The following CLECL1 variants were observed in gnomAD, a reference collection of about 807,000 sequenced individuals.
CLECL1 encodes C-type lectin like 1.
At chr12:9,719,542 C>T (rs1308374911), downstream of CLECL1, among the ~76,000 whole-genome samples, 3 of 151,756 alleles carry the variant, frequency 2.0e-5, no homozygotes, top group Non-Finnish European at 4.4e-5. Flanking sequence ...AAAAACAAAA[C>T]AAAAAGAAAG....
At chr12:9,723,926 G>C (rs1265561039) in intron 3 of CLECL1, among the ~76,000 whole-genome samples, 1 of 152,040 alleles carries the variant, frequency 6.6e-6, no homozygotes, top group East Asian at 1.9e-4. Flanking sequence ...AATGGCTCAC[G>C]TCTGTGATCC....
chr12:9,731,218 G>T (rs1427002786), intron 1 of CLECL1, among the ~76,000 whole-genome samples: 1 of 152,152 alleles, frequency 6.6e-6, no homozygotes, highest in Non-Finnish European at 1.5e-5. Context: ...TTACATCTTG[G>T]AGAACCAATG....
the CLECL1 span, among the ~76,000 whole-genome samples, chr12:9,710,014 G>A: frequency 6.6e-6 from 1 of 152,160 alleles, no homozygotes; most frequent in South Asian, 2.1e-4. Flanking sequence ...ACACCTGTTA[G>A]TTGCTAAAGA....
At chr12:9,715,195 C>A (rs764130647), downstream of CLECL1, among the ~76,000 whole-genome samples, 1 of 152,112 alleles carries the variant, frequency 6.6e-6, no homozygotes, top group Non-Finnish European at 1.5e-5. Flanking sequence ...AAATATGATT[C>A]TTGACAGATG....
rs200640673 is a variant in CLECL1, at chr12:9,732,980, C to T, written n.51G>A. 714 of 1,609,214 alleles carry T rather than the reference C, an allele frequency of 4.4e-4. 2 individuals carry two copies. The highest frequency in any genetic ancestry group is 2.1e-4 in the Non-Finnish European group (251 of 1,176,464). On this transcript the variant is annotated non_coding_transcript_exon_variant, in exon 1 of 4. Transcript: ENST00000621400. ...TCTGAAGTGGAAACGCGAGTTCTAA[C>T]GGGGAAGTCCGAACAGTTTTGATGT...
chr12:9,731,855 T>A (rs1333728552), intron 1 of CLECL1, among the ~76,000 whole-genome samples: 1 of 152,198 alleles, frequency 6.6e-6, no homozygotes. Flanking sequence ...ATCAAAAATA[T>A]TGGTTTTGTT....
chr12:9,712,862 A>T (rs1373386556), downstream of CLECL1, among the ~76,000 whole-genome samples: 6 of 152,226 alleles, frequency 3.9e-5, no homozygotes, highest in Non-Finnish European at 8.8e-5. Flanking sequence ...TCAGAAGACT[A>T]AAAAGGACCC....
At chr12:9,717,395 C>T (rs771804247) in intron 2 of CLECL1, among the ~76,000 whole-genome samples, 1 of 152,154 alleles carries the variant, frequency 6.6e-6, no homozygotes, top group Admixed American at 6.5e-5. Flanking sequence ...CCAGTGCTAA[C>T]GTTTTGGAAT....
the CLECL1 span, among the ~76,000 whole-genome samples, chr12:9,705,364 C>G: frequency 4.6e-5 from 7 of 151,904 alleles, no homozygotes; most frequent in South Asian, 2.1e-4. Flanking sequence ...GTTGTTTACT[C>G]TGTTGATAGT....
upstream of CLECL1, chr12:9,733,143 C>T (rs369340014): frequency 6.2e-6 from 10 of 1,613,936 alleles, no homozygotes; most frequent in Non-Finnish European, 8.5e-6. Context: ...TTTCCTTCTG[C>T]TCCCCAAGTG....
chr12:9,724,260 GT>G (rs1229808111), intron 3 of CLECL1, among the ~76,000 whole-genome samples: 1 of 151,438 alleles, frequency 6.6e-6, no homozygotes, highest in East Asian at 1.9e-4. Flanking sequence ...GGAGGAATAT[GT>G]GAGAAAACAC....
chr12:9,728,965 T>G (rs1487011984), intron 2 of CLECL1, among the ~76,000 whole-genome samples: 1 of 151,964 alleles, frequency 6.6e-6, no homozygotes, highest in African/African-American at 2.4e-5. Flanking sequence ...TAGGGTTTAG[T>G]TTAATCTGGA....
chr12:9,715,519 A>G (rs1446360781), downstream of CLECL1, among the ~76,000 whole-genome samples: 1 of 152,146 alleles, frequency 6.6e-6, no homozygotes, highest in African/African-American at 2.4e-5. Flanking sequence ...AGGCATTCAT[A>G]ATAGCTATAA....
chr12:9,722,716 A>G, exon 4 of CLECL1: 1 of 1,613,944 alleles, frequency 6.2e-7, no homozygotes, highest in East Asian at 2.2e-5. Context: ...TTTTGTTCCA[A>G]GATTTCTTAG....
At position 9,716,742 on chromosome 12, in the gene CLECL1, A is replaced by G. The variant is rs974130906; in HGVS notation, n.187T>C. The stretch of plus-strand genomic sequence containing the variant: ...GTCTCCTCAGCACTGAAGTCTAGGA[A>G]CTTCTATATGCATATGTCAAAAAAG... On this transcript the variant is annotated non_coding_transcript_exon_variant, in exon 3 of 3. Transcript: ENST00000540988. The G allele has an allele frequency of 4.7e-6, 6 of 1,272,002 alleles. No homozygotes were observed. The East Asian group carries it at 2.8e-4, about 60-fold the overall frequency. 78.8% of individuals were successfully genotyped at this position (1,272,002 alleles called of 1,614,324 possible). A position where few individuals can be genotyped will look rare whatever the true frequency, so the allele number is the denominator to read the frequency against.
chr12:9,732,893 T>G (rs759408171), intron 1 of CLECL1, 56 bp downstream of exon 1: 3 of 1,385,918 alleles, frequency 2.2e-6, no homozygotes, highest in South Asian at 1.4e-5. Context: ...AAGAAAGAAA[T>G]AAAGGAGATA....
chr12:9,718,965 A>C (rs1866272279), downstream of CLECL1, among the ~76,000 whole-genome samples: 1 of 152,184 alleles, frequency 6.6e-6, no homozygotes, highest in Admixed American at 6.5e-5. Context: ...CCTTGTTCTC[A>C]AGAGTGTCTT....
At chr12:9,712,713 T>A (rs1325345436), downstream of CLECL1, among the ~76,000 whole-genome samples, 4 of 152,160 alleles carry the variant, frequency 2.6e-5, no homozygotes, top group Non-Finnish European at 5.9e-5. Flanking sequence ...CAAATTAAGG[T>A]AATTTCTCTT....
exon 3 of CLECL1, chr12:9,716,039 A>G (rs1331793758): frequency 1.3e-5 from 2 of 151,590 alleles, no homozygotes; most frequent in African/African-American, 4.9e-5. Flanking sequence ...CCTGGTTTCC[A>G]CTCATCCATC....
Sources: gnomAD v4.1 joint callset for allele counts (sites outside exome capture counted in the v4.1 genomes callset) on GRCh38, gnomAD v4.1.1 for gene constraint, MANE v1.5 for transcripts, NCBI Gene and HGNC (gene_info 2026-07-23, HGNC 2026-07-21) for gene names.